The following SLC25A36 variants were observed in gnomAD, a reference collection of about 807,000 sequenced individuals.
SLC25A36 encodes the protein solute carrier family 25 member 36, also known as epididymis secretory sperm binding protein.
Under a neutral mutation model 35.3 loss-of-function variants are expected in SLC25A36, and 24 were observed. That is an observed-to-expected ratio of 0.68 (90% confidence interval 0.49 to 0.96). The LOEUF (loss-of-function observed/expected upper bound fraction) is 0.96, where lower values mean the gene tolerates loss of function less well. Among genes scored for constraint, SLC25A36 ranks in the 40% least tolerant of loss-of-function variants. SLC25A36 has a pLI of 0.00. For missense variants in SLC25A36, 294 were observed against 381.1 expected, an observed-to-expected ratio of 0.77 and a Z score of 1.90; for synonymous variants, 141 against 132.2, an observed-to-expected ratio of 1.07 and a Z score of -0.46.
chr3:140,974,787 T>A (rs1445135766), intron 6 of SLC25A36, among the ~76,000 whole-genome samples: 1 of 152,136 alleles, frequency 6.6e-6, no homozygotes, highest in Non-Finnish European at 1.5e-5. Flanking sequence ...CCATTGTATA[T>A]TATATCAGGA....
At chr3:140,949,738 G>A (rs1056582117) in intron 1 of SLC25A36, among the ~76,000 whole-genome samples, 6 of 152,214 alleles carry the variant, frequency 3.9e-5, no homozygotes, top group Non-Finnish European at 8.8e-5. Context: ...TTCTGTTACA[G>A]ACTTGGCTAT....
rs1935048641 is a variant in SLC25A36, at chr3:140,976,428, T to C, written c.911T>C (p.Leu304Ser). Residue 304 changes from leucine to serine, a missense_variant, in exon 7 of 7, where the codon TTG (leucine) becomes TCG (serine). Leu to Ser is a moderately radical substitution (Grantham distance 145). Coordinates refer to ENST00000324194, the MANE Select transcript of SLC25A36 (RefSeq NM_001104647.3). ...GCCATTATGATGGCCACCTATGAATTGGTGGTTTACCTACTCAATGGATAG... is the reference window on the plus strand; with the variant it reads ...GCCATTATGATGGCCACCTATGAATCGGTGGTTTACCTACTCAATGGATAG... ...NTAIMMATYE[L>S]VVYLLNG The C allele has an allele frequency of 1.2e-6, 2 of 1,612,844 alleles. No homozygotes were observed. The highest frequency in any genetic ancestry group is 2.7e-5 in the African/African-American group (2 of 74,962).
At chr3:140,974,254 T>G (rs977596303) in intron 6 of SLC25A36, among the ~76,000 whole-genome samples, 6 of 152,122 alleles carry the variant, frequency 3.9e-5, no homozygotes, top group Non-Finnish European at 7.4e-5. Flanking sequence ...TCACTTCAGC[T>G]TGGTGACTTT....
rs1287066050 is a variant in SLC25A36 at position 140,980,469 on chromosome 3, C to G, written c.*4016C>G. Among the ~76,000 whole-genome samples, 2 of 151,990 alleles carry G rather than the reference C, an allele frequency of 1.3e-5. No homozygotes were observed. The highest frequency in any genetic ancestry group is 2.9e-5 in the Non-Finnish European group (2 of 68,012). On this transcript the variant is annotated 3_prime_UTR_variant, in exon 7 of 7. Coordinates refer to ENST00000324194, the MANE Select transcript of SLC25A36 (RefSeq NM_001104647.3). ...TTTGTATTTCAACATTGACATAAATCTGAAATTGTTGGTTCTACTAATAGT... is the reference window on the plus strand; with the variant it reads ...TTTGTATTTCAACATTGACATAAATGTGAAATTGTTGGTTCTACTAATAGT...
intron 1 of SLC25A36, among the ~76,000 whole-genome samples, chr3:140,953,707 C>T (rs6785007): frequency 6.6e-6 from 1 of 151,972 alleles, no homozygotes; most frequent in Non-Finnish European, 1.5e-5. Flanking sequence ...TTATAATCCC[C>T]GTACTTTGGA....
intron 5 of SLC25A36, among the ~76,000 whole-genome samples, chr3:140,973,478 C>T (rs932051410): frequency 6.6e-6 from 1 of 151,966 alleles, no homozygotes; most frequent in South Asian, 2.1e-4. Context: ...GGACATGAGA[C>T]CGAAGATTCA....
intron 1 of SLC25A36, among the ~76,000 whole-genome samples, chr3:140,955,388 C>CA (rs1372381758): frequency 6.6e-6 from 1 of 152,100 alleles, no homozygotes; most frequent in African/African-American, 2.4e-5. Context: ...TTTCACCGCA[C>CA]TAAGAGCTTT....
chr3:140,943,964 C>A (rs189915362), intron 1 of SLC25A36, among the ~76,000 whole-genome samples: 14 of 142,040 alleles, frequency 9.9e-5, no homozygotes, highest in African/African-American at 3.7e-4. Flanking sequence ...CCCTCCCCCC[C>A]AGTCTAGCAT....
chr3:140,961,224 A>G (rs1357047093), intron 3 of SLC25A36, among the ~76,000 whole-genome samples: 1 of 152,226 alleles, frequency 6.6e-6, no homozygotes, highest in Non-Finnish European at 1.5e-5. Context: ...GTTCATGTAT[A>G]TTCTTCCAGT....
Position 140,976,501 on chromosome 3 carries a change from A to G in SLC25A36, c.*48A>G. Reference sequence around the variant, plus strand: ...CAAAAAAAGAAGACCAAAAGATTACAGTGGACCATGGGATACAGAAGCCAG... The same window carrying G: ...CAAAAAAAGAAGACCAAAAGATTACGGTGGACCATGGGATACAGAAGCCAG... On this transcript the variant is annotated 3_prime_UTR_variant, in exon 7 of 7. Transcript: ENST00000324194. 6.6e-7 allele frequency: 1 copy of G among 1,510,958 alleles called. No homozygotes were observed. Among genetic ancestry groups the G allele is most frequent in the Non-Finnish European group, 8.9e-7 (1 of 1,119,738 alleles). 93.6% of individuals were successfully genotyped at this position (1,510,958 alleles called of 1,614,324 possible).
chr3:140,941,867 G>A lies in SLC25A36; in HGVS notation c.-188G>A, dbSNP rs1357157877. 9 of 504,746 alleles carry A rather than the reference G, an allele frequency of 1.8e-5. No individual in the cohort carries two copies. The highest frequency in any genetic ancestry group is 3.2e-5 in the Non-Finnish European group (9 of 281,160). The allele number at this position is 504,746 out of a possible 1,614,324, so 31.3% of individuals were successfully genotyped here. The stretch of plus-strand genomic sequence containing the variant: ...TGGTGAAGGGCGGCGCGCTTAGGCA[G>A]GCGGTGGCGCGGCTGGAGTGCCGCG... On this transcript the variant is annotated 5_prime_UTR_variant, in exon 1 of 7. Transcript: ENST00000324194.
chr3:140,958,960 T>TTGTGTGTGTGTGTGTG (rs377492880), intron 2 of SLC25A36, among the ~76,000 whole-genome samples: 1 of 112,590 alleles, frequency 8.9e-6, no homozygotes, highest in Non-Finnish European at 1.7e-5. Context: ...AAACAATGTT[T>TTGTGTGTGTGTGTGTG]TGTGTGTGTG....
chr3:140,968,537 TG>T, intron 4 of SLC25A36: 1 of 958,248 alleles, frequency 1.0e-6, no homozygotes, highest in Non-Finnish European at 1.2e-6. Context: ...AAATACCTGT[TG>T]TTTGCTTTCT....
chr3:140,952,387 G>C lies in SLC25A36; in HGVS notation c.42-4140G>C, dbSNP rs1438648208. ...GCTGGTTTCAAACTCCTGGACTCAA[G>C]TGATGTTACCACCTCAGCCTCTGAA... On this transcript the variant is annotated intron_variant, in intron 1 of 6. Coordinates refer to ENST00000324194, the MANE Select transcript of SLC25A36 (RefSeq NM_001104647.3). Among the ~76,000 whole-genome samples, 8 of 152,174 alleles carry C rather than the reference G, an allele frequency of 5.3e-5. No homozygotes were observed. In the East Asian group the frequency reaches 1.5e-3, roughly 29 times the overall value.
chr3:140,943,593 T>TGG (rs1397281939), intron 1 of SLC25A36, among the ~76,000 whole-genome samples: 15 of 152,254 alleles, frequency 9.9e-5, no homozygotes, highest in Non-Finnish European at 4.4e-5. Context: ...ATTAGATCTA[T>TGG]AACCCTGAAG....
At position 140,963,120 on chromosome 3, in the gene SLC25A36, A is replaced by G. The variant is rs767654308; in HGVS notation, c.285-7A>G. The G allele has an allele frequency of 2.5e-5, 39 of 1,533,108 alleles. No individual in the cohort carries two copies. Among genetic ancestry groups the G allele is most frequent in the Middle Eastern group, 1.7e-4 (1 of 5,810 alleles). The allele number at this position is 1,533,108 out of a possible 1,614,324, so 95.0% of individuals were successfully genotyped here. On this transcript the variant is annotated splice_region_variant and splice_polypyrimidine_tract_variant and intron_variant, in intron 3 of 6. Coordinates refer to ENST00000324194, the MANE Select transcript of SLC25A36 (RefSeq NM_001104647.3). ...TGCTTATTGATAAATCTAAATCTCT[A>G]TTTTAGAGCAATATACTTTGCTGCT... is the stretch of plus-strand genomic sequence containing the variant.
intron 1 of SLC25A36, among the ~76,000 whole-genome samples, chr3:140,948,040 A>G (rs944062875): frequency 6.6e-6 from 1 of 152,050 alleles, no homozygotes; most frequent in Admixed American, 6.5e-5. Flanking sequence ...TGCAACCTCC[A>G]CCTCCTAGGT....
intron 3 of SLC25A36, among the ~76,000 whole-genome samples, chr3:140,961,591 C>A (rs1288710264): frequency 6.6e-6 from 1 of 152,036 alleles, no homozygotes; most frequent in African/African-American, 2.4e-5. Flanking sequence ...CAGAGTGGCT[C>A]ACACCTGTAA....
intron 5 of SLC25A36, chr3:140,972,918 G>C (rs1934942917): frequency 6.6e-6 from 1 of 152,064 alleles, no homozygotes; most frequent in South Asian, 2.1e-4. Flanking sequence ...TTAGTAGGTA[G>C]CATTTAAACC....
Sources: allele counts gnomAD v4.1 joint callset (sites outside exome capture counted in the v4.1 genomes callset), GRCh38; gene constraint gnomAD v4.1.1; transcripts MANE v1.5; gene names NCBI Gene and HGNC (gene_info 2026-07-23, HGNC 2026-07-21).